Variants in UNC13C observed in about 807,000 individuals in gnomAD.
UNC13C encodes unc-13 homolog C, also known as protein unc-13 homolog C.
In UNC13C, 174 loss-of-function variants were observed where a neutral mutation model predicts 245.4. That is an observed-to-expected ratio of 0.71 (90% CI 0.63 to 0.80). The LOEUF (loss-of-function observed/expected upper bound fraction) is 0.80, where lower values mean the gene tolerates loss of function less well. Among genes scored for constraint, UNC13C ranks in the 30% least tolerant of loss-of-function variants. The probability of loss-of-function intolerance (pLI) is 0.00; values close to 1 mark genes in which losing one functional copy is unlikely to be tolerated. For missense variants in UNC13C, 2,829 were observed against 2,602.9 expected, an observed-to-expected ratio of 1.09 and a Z score of -1.89; for synonymous variants, 992 against 895.1, an observed-to-expected ratio of 1.11 and a Z score of -1.93.
chr15:53,937,195 C>T, the UNC13C span, among the ~76,000 whole-genome samples: 832 of 152,244 alleles, frequency 5.5e-3, 9 homozygotes, highest in African/African-American at 0.019. Context: ...CATAACTAAC[C>T]TGATGGAGCT....
intron 4 of UNC13C, among the ~76,000 whole-genome samples, chr15:54,231,212 T>C (rs2035542008): frequency 6.6e-6 from 1 of 152,126 alleles, no homozygotes; most frequent in Admixed American, 6.6e-5. Context: ...CTGGATCAAC[T>C]GGTACATGTG....
At chr15:54,103,838 G>T (rs554278787) in intron 2 of UNC13C, among the ~76,000 whole-genome samples, 112 of 152,216 alleles carry the variant, frequency 7.4e-4, no homozygotes, top group Middle Eastern at 6.8e-3. Context: ...CCACAGTCCC[G>T]GGGTCAAATG....
At chr15:53,996,205 C>T in intron 1 of UNC13C, among the ~76,000 whole-genome samples, 1 of 152,146 alleles carries the variant, frequency 6.6e-6, no homozygotes, top group Non-Finnish European at 1.5e-5. Context: ...ACATACAGTA[C>T]TGAAACACGT....
intron 4 of UNC13C, among the ~76,000 whole-genome samples, chr15:54,167,277 C>T (rs2033197755): frequency 1.3e-5 from 2 of 151,758 alleles, no homozygotes; most frequent in Non-Finnish European, 2.9e-5. Context: ...CCGAGGCAGG[C>T]GGATCACGAG....
chr15:54,155,242 G>A (rs1864417), intron 4 of UNC13C, among the ~76,000 whole-genome samples: 43,581 of 151,952 alleles, frequency 0.29, 6,490 homozygotes, highest in African/African-American at 0.35. Flanking sequence ...TGGAGCGGGG[G>A]CATTTGGGCT....
chr15:53,919,084 C>G, the UNC13C span, among the ~76,000 whole-genome samples: 1 of 152,114 alleles, frequency 6.6e-6, no homozygotes, highest in Admixed American at 6.5e-5. Context: ...AATTTTTTTT[C>G]TTAAGTTTTG....
chr15:54,394,299 T>C (rs982775500), intron 18 of UNC13C, among the ~76,000 whole-genome samples: 6 of 151,794 alleles, frequency 4.0e-5, no homozygotes, highest in African/African-American at 1.4e-4. Context: ...CATGATAATA[T>C]CAAGTTTGCC....
intron 25 of UNC13C, among the ~76,000 whole-genome samples, chr15:54,527,914 G>A (rs114847124): frequency 6.6e-6 from 1 of 152,048 alleles, no homozygotes; most frequent in African/African-American, 2.4e-5. Flanking sequence ...ATATTATACT[G>A]TCAGGGTAGA....
chr15:53,946,451 G>GT, the UNC13C span, among the ~76,000 whole-genome samples: 1,196 of 110,462 alleles, frequency 0.011, 11 homozygotes, highest in African/African-American at 0.048. Flanking sequence ...TCTTTTTTTT[G>GT]TTTTTTTTTT....
At chr15:54,038,004 ATTAATAT>A (rs1200703903) in intron 2 of UNC13C, among the ~76,000 whole-genome samples, 1 of 148,796 alleles carries the variant, frequency 6.7e-6, no homozygotes, top group Non-Finnish European at 1.5e-5. Flanking sequence ...TCATTTTAAA[ATTAATAT>A]TTAATTTATT....
At chr15:53,844,829 T>A in the UNC13C span, among the ~76,000 whole-genome samples, 3 of 152,124 alleles carry the variant, frequency 2.0e-5, no homozygotes, top group African/African-American at 7.2e-5. Context: ...AGTGACATCA[T>A]CCTAGAGGCA....
chr15:54,038,124 ATTT>A (rs58063301), intron 2 of UNC13C, among the ~76,000 whole-genome samples: 8 of 45,038 alleles, frequency 1.8e-4, no homozygotes, highest in Admixed American at 1.0e-3. Flanking sequence ...ATATATATAT[ATTT>A]TTTTTTTTTT....
the UNC13C span, among the ~76,000 whole-genome samples, chr15:53,858,261 T>C: frequency 3.3e-5 from 5 of 152,176 alleles, no homozygotes; most frequent in Non-Finnish European, 7.4e-5. Flanking sequence ...GAGATTTTGA[T>C]ATGCATTTTA....
At chr15:53,854,138 T>TTTTTTTTTTTTA in the UNC13C span, among the ~76,000 whole-genome samples, 1 of 150,228 alleles carries the variant, frequency 6.7e-6, no homozygotes, top group East Asian at 1.9e-4. Flanking sequence ...TTTTTTTTTT[T>TTTTTTTTTTTTA]GAGATGGAGT....
Position 54,159,433 on chromosome 15 carries a change from G to C in UNC13C, c.3071+15749G>C, listed in dbSNP as rs117567944. On this transcript the variant is annotated intron_variant, in intron 4 of 32. Transcript: ENST00000260323. ...AGTGTGCACCAAGTACAAAAGCACT[G>C]TTTGTCCTTTGAGTCTTTTTTGATT... is the stretch of plus-strand genomic sequence containing the variant. Among the ~76,000 whole-genome samples, 3 of 152,340 alleles carry C rather than the reference G, an allele frequency of 2.0e-5. No individual in the cohort carries two copies. The East Asian group carries it at 5.8e-4, about 29-fold the overall frequency.
chr15:54,352,442 G>A (rs2039005867), intron 17 of UNC13C, among the ~76,000 whole-genome samples: 1 of 150,880 alleles, frequency 6.6e-6, no homozygotes. Context: ...AAAATCATGT[G>A]AATAAAATGG....
At chr15:54,408,222 A>AAC (rs2140940565) in intron 18 of UNC13C, among the ~76,000 whole-genome samples, 1 of 145,154 alleles carries the variant, frequency 6.9e-6, no homozygotes, top group Admixed American at 7.3e-5. Context: ...AAAAAAAAAA[A>AAC]AAAAAAACAT....
intron 17 of UNC13C, among the ~76,000 whole-genome samples, chr15:54,387,404 A>G (rs976498574): frequency 6.6e-6 from 1 of 152,170 alleles, no homozygotes; most frequent in African/African-American, 2.4e-5. Flanking sequence ...GTAAACTGTC[A>G]TGGTGCTACT....
chr15:53,919,848 CTT>C, the UNC13C span, among the ~76,000 whole-genome samples: 876 of 152,164 alleles, frequency 5.8e-3, 11 homozygotes, highest in African/African-American at 0.019. Context: ...CAGTCAGACT[CTT>C]GAGTATTTAT....
Sources: gnomAD v4.1 joint callset for allele counts (sites outside exome capture counted in the v4.1 genomes callset) on GRCh38, gnomAD v4.1.1 for gene constraint, MANE v1.5 for transcripts, NCBI Gene and HGNC (gene_info 2026-07-23, HGNC 2026-07-21) for gene names.